The following CDH23 variants were observed in gnomAD, a reference collection of about 807,000 sequenced individuals.
CDH23 encodes the protein cadherin-23.
CDH23 carries 189 observed loss-of-function variants against 317.1 expected under a neutral mutation model. The ratio of observed to expected loss-of-function variants is 0.60; its 90% CI spans 0.53 to 0.67. CDH23 has a LOEUF of 0.67. Ranked by LOEUF, CDH23 falls within the 30% of genes least tolerant of loss-of-function variation. The probability of loss-of-function intolerance (pLI) is 0.00; values close to 1 mark genes in which losing one functional copy is unlikely to be tolerated. For missense variants in CDH23, 4,401 were observed against 4,592.4 expected, an observed-to-expected ratio of 0.96 and a Z score of 1.20; for synonymous variants, 1,839 against 1,876.8, an observed-to-expected ratio of 0.98 and a Z score of 0.52.
chr10:71,520,432 CTGAG>C (rs1280221597), intron 6 of CDH23, among the ~76,000 whole-genome samples: 1 of 152,230 alleles, frequency 6.6e-6, no homozygotes, highest in Non-Finnish European at 1.5e-5. Context: ...GAGCAACACA[CTGAG>C]TAAGGGTCAA....
At chr10:71,781,143 T>C (rs1840942027) in intron 41 of CDH23, among the ~76,000 whole-genome samples, 1 of 152,022 alleles carries the variant, frequency 6.6e-6, no homozygotes, top group Non-Finnish European at 1.5e-5. Context: ...TAGAGGTATT[T>C]AAATCCAGGA....
chr10:71,792,422 G>A (rs1230039785), intron 47 of CDH23, among the ~76,000 whole-genome samples: 1 of 152,048 alleles, frequency 6.6e-6, no homozygotes, highest in South Asian at 2.1e-4. Flanking sequence ...AAGCATAAAA[G>A]AAAAGAACTT....
chr10:71,713,386 G>A (rs1475085187), intron 28 of CDH23: 4 of 707,338 alleles, frequency 5.7e-6, no homozygotes, highest in East Asian at 2.5e-5. Context: ...AGGGAGGCCC[G>A]GAGTGAATGA....
rs1866760514 is a variant in CDH23 at position 71,725,365 on chromosome 10, C to T, written c.3431-7C>T. The T allele has an allele frequency of 1.2e-6, 2 of 1,613,948 alleles. No homozygotes were observed. Among genetic ancestry groups the T allele is most frequent in the Admixed American group, 1.7e-5 (1 of 60,014 alleles). On this transcript the variant is annotated splice_region_variant and splice_polypyrimidine_tract_variant and intron_variant, in intron 29 of 69. Transcript: ENST00000224721. The stretch of plus-strand genomic sequence containing the variant: ...CGGTGTTCCAGGGGGTCTGTCCCTC[C>T]ACACAGGTAACCATGGCAACAACTT...
At chr10:71,702,469 C>T (rs1865627930) in intron 23 of CDH23, 80 bp from the exon 24 acceptor site, 1 of 1,566,256 alleles carries the variant, frequency 6.4e-7, no homozygotes, top group African/African-American at 1.4e-5. Context: ...CACCCTCTCA[C>T]CACTTGCCTT....
chr10:71,791,920 G>T (rs552061217), intron 47 of CDH23, among the ~76,000 whole-genome samples: 74 of 151,914 alleles, frequency 4.9e-4, no homozygotes, highest in Non-Finnish European at 8.8e-4. Context: ...CAGATGGAAA[G>T]ACTGACTATT....
intron 28 of CDH23, chr10:71,713,046 C>G: frequency 6.8e-6 from 5 of 735,346 alleles, no homozygotes; most frequent in South Asian, 5.8e-5. Flanking sequence ...TCCCCACAAA[C>G]AGGAGGAAGA....
chr10:71,740,204 G>A (rs544541827), intron 36 of CDH23, among the ~76,000 whole-genome samples: 62 of 152,358 alleles, frequency 4.1e-4, no homozygotes, highest in African/African-American at 1.3e-3. Flanking sequence ...GGCTTGAGGA[G>A]CCACGAAGGC....
At position 71,812,999 on chromosome 10, in the gene CDH23, A is replaced by G. The variant is rs1374118752; in HGVS notation, c.9633+109A>G. ...CCAGGCTCAGCTAGACCCACCCTCC[A>G]CTGGGGCGAGAACACCAGGGCTGAT... On this transcript the variant is annotated intron_variant, in intron 68 of 69. Coordinates refer to ENST00000224721, the MANE Select transcript of CDH23 (RefSeq NM_022124.6). 21 of 1,510,654 alleles carry G rather than the reference A, an allele frequency of 1.4e-5. No individual in the cohort carries two copies. In the East Asian group the frequency reaches 5.1e-4, roughly 37 times the overall value. 93.6% of individuals were successfully genotyped at this position (1,510,654 alleles called of 1,614,324 possible). A position where few individuals can be genotyped will look rare whatever the true frequency, so the allele number is the denominator to read the frequency against.
chr10:71,420,759 C>T (rs1416695233), intron 1 of CDH23, among the ~76,000 whole-genome samples: 1 of 152,122 alleles, frequency 6.6e-6, no homozygotes, highest in Non-Finnish European at 1.5e-5. Flanking sequence ...AACTGAGGCA[C>T]AGAGCAGCTA....
At chr10:71,771,697 C>T (rs1327269819) in intron 38 of CDH23, among the ~76,000 whole-genome samples, 1 of 152,212 alleles carries the variant, frequency 6.6e-6, no homozygotes, top group Non-Finnish European at 1.5e-5. Flanking sequence ...GAAGAGATGA[C>T]CCTTTAGTAT....
chr10:71,515,840 T>G (rs1448920198), intron 6 of CDH23, among the ~76,000 whole-genome samples: 2 of 152,212 alleles, frequency 1.3e-5, no homozygotes, highest in African/African-American at 4.8e-5. Flanking sequence ...GAAGGCAATT[T>G]TACTAAGAGA....
chr10:71,791,128 CCAGGTGTGGTGACCGTGAGGT>C lies in CDH23; in HGVS notation c.6054_6074del (p.Val2019_Val2025del). ...TTTCCCTGGCTGGCGGCACCGGGTG[CCAGGTGTGGTGACCGTGAGGT>C]CAGGTGTCATCATTGACCGGGAGGC... On this transcript the variant is annotated splice_acceptor_variant and splice_polypyrimidine_tract_variant and coding_sequence_variant and intron_variant, in exon 47 of 70. Transcript: ENST00000224721. LOFTEE classifies it high-confidence loss of function. 6.2e-7 allele frequency: 1 copy of C among 1,601,780 alleles called. No individual in the cohort carries two copies. The highest frequency in any genetic ancestry group is 1.1e-5 in the South Asian group (1 of 89,176).
intron 3 of CDH23, among the ~76,000 whole-genome samples, chr10:71,496,484 C>T (rs1852975881): frequency 6.6e-6 from 1 of 152,170 alleles, no homozygotes; most frequent in African/African-American, 2.4e-5. Context: ...GATTCCCATT[C>T]TTGCCTGCCC....
intron 28 of CDH23, among the ~76,000 whole-genome samples, chr10:71,721,146 C>A (rs565447483): frequency 8.9e-4 from 135 of 152,336 alleles, no homozygotes; most frequent in African/African-American, 3.2e-3. Flanking sequence ...TCAAGGAAAT[C>A]TCACCATGGA....
chr10:71,716,954 T>G (rs976405569), intron 28 of CDH23: 1 of 152,254 alleles, frequency 6.6e-6, no homozygotes, highest in Non-Finnish European at 1.5e-5. Context: ...CTCATCCCTG[T>G]GTCTGGGGCT....
At chr10:71,575,858 CATA>C (rs1216925619) in intron 8 of CDH23, among the ~76,000 whole-genome samples, 1 of 152,264 alleles carries the variant, frequency 6.6e-6, no homozygotes, top group Non-Finnish European at 1.5e-5. Flanking sequence ...AATTCCTTCT[CATA>C]ATGTTTCCAG....
chr10:71,556,239 G>A (rs1176989596), intron 6 of CDH23, among the ~76,000 whole-genome samples: 3 of 152,254 alleles, frequency 2.0e-5, no homozygotes, highest in East Asian at 3.9e-4. Context: ...GATTTGGGGG[G>A]AAATGAGATG....
Position 71,672,227 on chromosome 10 carries a change from T to TG in CDH23, c.1450-2882dup, listed in dbSNP as rs1209052299. 2.0e-5 allele frequency among the ~76,000 whole-genome samples: 3 copies of TG among 152,124 alleles called. No homozygotes were observed. In the East Asian group the frequency reaches 5.8e-4, roughly 29 times the overall value. Reference sequence around the variant, plus strand: ...AAGCGGAGGGGGCAGAGCCAGGTCCTGGGAGCTACACGTGGTCCAGTCTGG... The same window carrying TG: ...AAGCGGAGGGGGCAGAGCCAGGTCCTGGGGAGCTACACGTGGTCCAGTCTGG... On this transcript the variant is annotated intron_variant, in intron 14 of 69. Coordinates refer to ENST00000224721, the MANE Select transcript of CDH23 (RefSeq NM_022124.6).
Sources: gnomAD v4.1 joint callset for allele counts (sites outside exome capture counted in the v4.1 genomes callset) on GRCh38, gnomAD v4.1.1 for gene constraint, MANE v1.5 for transcripts, NCBI Gene and HGNC (gene_info 2026-07-23, HGNC 2026-07-21) for gene names.